The following DNAJC11 variants were observed in gnomAD, a reference collection of about 807,000 sequenced individuals.
DNAJC11 encodes dnaJ homolog subfamily C member 11.
In DNAJC11, 15 loss-of-function variants were observed where a neutral mutation model predicts 78.6. The observed-to-expected ratio is 0.19, with a 90% CI of 0.13 to 0.29. DNAJC11 has a LOEUF of 0.29. DNAJC11 is among the 10% of genes least tolerant of loss of function. DNAJC11 has a pLI of 1.00. For missense variants in DNAJC11, 547 were observed against 709.6 expected, an observed-to-expected ratio of 0.77 and a Z score of 2.60; for synonymous variants, 292 against 272.1, an observed-to-expected ratio of 1.07 and a Z score of -0.72.
chr1:6,691,696 C>G (rs1642748772), intron 1 of DNAJC11, among the ~76,000 whole-genome samples: 1 of 152,172 alleles, frequency 6.6e-6, no homozygotes, highest in Non-Finnish European at 1.5e-5. Flanking sequence ...GTAGGCTGCA[C>G]ACTCAAAACA....
At chr1:6,651,494 A>C (rs756718704) in intron 7 of DNAJC11, 35 bp downstream of exon 7, 18 of 1,583,394 alleles carry the variant, frequency 1.1e-5, no homozygotes, top group Non-Finnish European at 1.5e-5. Context: ...GCCAACAAAG[A>C]CCACCAAAGA....
Position 6,692,052 on chromosome 1 carries a change from T to G in DNAJC11, c.72+9677A>C, listed in dbSNP as rs988117361. Among the ~76,000 whole-genome samples, 20 of 152,358 alleles carry G rather than the reference T, an allele frequency of 1.3e-4. No homozygotes were observed. In the Middle Eastern group the frequency reaches 0.02, roughly 155 times the overall value. The stretch of plus-strand genomic sequence containing the variant: ...AGCATGTTGCTCTCATGTCCCGTTT[T>G]CCATTGTTTTATTACTAAATTCACA... On this transcript the variant is annotated intron_variant, in intron 1 of 15. Transcript: ENST00000377577.
chr1:6,692,948 C>A (rs1642770499), intron 1 of DNAJC11, among the ~76,000 whole-genome samples: 1 of 151,304 alleles, frequency 6.6e-6, no homozygotes, highest in South Asian at 2.1e-4. Flanking sequence ...CTCTGTTGCC[C>A]AGGCTGGAGT....
At chr1:6,701,316 G>T (rs1642923884) in intron 1 of DNAJC11, among the ~76,000 whole-genome samples, 1 of 152,190 alleles carries the variant, frequency 6.6e-6, no homozygotes, top group Admixed American at 6.5e-5. Flanking sequence ...GTGAGACTCA[G>T]TTCGCCATCC....
intron 1 of DNAJC11, among the ~76,000 whole-genome samples, chr1:6,691,378 C>T (rs908740753): frequency 3.3e-5 from 5 of 152,116 alleles, no homozygotes; most frequent in African/African-American, 1.2e-4. Context: ...TACCATTGTA[C>T]AACTTGGTTT....
At position 6,638,430 on chromosome 1, in the gene DNAJC11, C is replaced by G. The variant is rs1339713951; in HGVS notation, c.1254-66G>C. On this transcript the variant is annotated intron_variant, in intron 11 of 15. Coordinates refer to ENST00000377577, the MANE Select transcript of DNAJC11 (RefSeq NM_018198.4). ...TGCCCAGCTTCCAGCCAACACAGCC[C>G]CTCCCGTGCTGGACCCGAGCCCAGC... The G allele has an allele frequency of 2.0e-6, 3 of 1,521,982 alleles. No individual in the cohort carries two copies. The Admixed American group carries it at 5.3e-5, about 27-fold the overall frequency. The allele number at this position is 1,521,982 out of a possible 1,614,324, so 94.3% of individuals were successfully genotyped here.
intron 4 of DNAJC11, among the ~76,000 whole-genome samples, chr1:6,661,277 C>G (rs1570284600): frequency 6.6e-6 from 1 of 152,324 alleles, no homozygotes; most frequent in East Asian, 1.9e-4. Flanking sequence ...GTGAAATTCA[C>G]CTGTTTTATA....
intron 1 of DNAJC11, among the ~76,000 whole-genome samples, chr1:6,699,237 G>T (rs1264520984): frequency 6.6e-6 from 1 of 151,960 alleles, no homozygotes; most frequent in African/African-American, 2.4e-5. Context: ...AGTCAAGGTT[G>T]CAGTGCACCA....
intron 11 of DNAJC11, among the ~76,000 whole-genome samples, 185 bp downstream of exon 11, chr1:6,639,717 T>C (rs1192230476): frequency 6.6e-6 from 1 of 152,162 alleles, no homozygotes; most frequent in Non-Finnish European, 1.5e-5. Flanking sequence ...CTACGGACAA[T>C]GAGGAGAAAT....
intron 3 of DNAJC11, among the ~76,000 whole-genome samples, chr1:6,677,247 A>G (rs1490331093): frequency 3.3e-5 from 5 of 152,014 alleles, no homozygotes; most frequent in African/African-American, 1.2e-4. Flanking sequence ...GGTCAATTCA[A>G]TGTTATTAAA....
Position 6,653,653 on chromosome 1 carries a change from C to CATTA in DNAJC11, c.507+254_507+257dup, listed in dbSNP as rs1338273400. Among the ~76,000 whole-genome samples, 1 of 152,192 alleles carries CATTA rather than the reference C, an allele frequency of 6.6e-6. No homozygotes were observed. Among genetic ancestry groups the CATTA allele is most frequent in the Non-Finnish European group, 1.5e-5 (1 of 68,026 alleles). The stretch of plus-strand genomic sequence containing the variant: ...CCTTGGGCCTCTACTTCTCCCAGAC[C>CATTA]ATTAACACCCTCTGCTGGAAAGGCC... On this transcript the variant is annotated intron_variant, in intron 5 of 15. Coordinates refer to ENST00000377577, the MANE Select transcript of DNAJC11 (RefSeq NM_018198.4). The surrounding 1 kb of genome is among the most constrained non-coding windows in gnomAD (Gnocchi z 4.5).
At chr1:6,660,686 G>T (rs1314534135) in intron 4 of DNAJC11, among the ~76,000 whole-genome samples, 1 of 152,188 alleles carries the variant, frequency 6.6e-6, no homozygotes, top group African/African-American at 2.4e-5. Context: ...GTCAACGAAA[G>T]ATGACCATTT....
intron 11 of DNAJC11, among the ~76,000 whole-genome samples, chr1:6,639,556 G>A (rs1453000102): frequency 6.6e-6 from 1 of 151,612 alleles, no homozygotes; most frequent in African/African-American, 2.4e-5. Flanking sequence ...GGTCCTGAAC[G>A]CCTCACCTCG....
At chr1:6,648,938 G>A (rs1483065129) in intron 7 of DNAJC11, among the ~76,000 whole-genome samples, 3 of 152,102 alleles carry the variant, frequency 2.0e-5, no homozygotes, top group African/African-American at 7.2e-5. Flanking sequence ...GAGCTGTGTT[G>A]TGAGCAGCAC....
Position 6,634,288 on chromosome 1 carries a change from A to G in DNAJC11, c.*1387T>C. On this transcript the variant is annotated 3_prime_UTR_variant, in exon 16 of 16. Coordinates refer to ENST00000377577, the MANE Select transcript of DNAJC11 (RefSeq NM_018198.4). ...GAGGCGCACGGGAAGCCCGGGGCCC[A>G]GGCTCATGCAACACGACGCTCACCG... 3.4e-6 allele frequency: 3 copies of G among 883,300 alleles called. No individual in the cohort carries two copies. Among genetic ancestry groups the G allele is most frequent in the East Asian group, 2.7e-5 (1 of 36,994 alleles). The allele number at this position is 883,300 out of a possible 1,614,324, so 54.7% of individuals were successfully genotyped here.
intron 1 of DNAJC11, 120 bp from the exon 2 acceptor site, chr1:6,681,157 C>A: frequency 2.8e-6 from 3 of 1,085,200 alleles, no homozygotes; most frequent in Non-Finnish European, 2.6e-6. Flanking sequence ...TCTCGACATA[C>A]AGGATGTAAT....
At chr1:6,654,239 C>G (rs187147046) in intron 4 of DNAJC11, 200 bp from the exon 5 acceptor site, 1 of 493,024 alleles carries the variant, frequency 2.0e-6, no homozygotes, top group Non-Finnish European at 3.6e-6. Context: ...GCACCACAGA[C>G]GTCCAGAGCT....
intron 1 of DNAJC11, among the ~76,000 whole-genome samples, chr1:6,687,421 A>C (rs1355055345): frequency 7.3e-6 from 1 of 136,740 alleles, no homozygotes; most frequent in Non-Finnish European, 1.5e-5. Context: ...CAGTGGCATG[A>C]TCTCGGCTCA....
rs372549651 is a variant in DNAJC11 at position 6,678,377 on chromosome 1, C to T, written c.276+17G>A. On this transcript the variant is annotated intron_variant, in intron 3 of 15. Transcript: ENST00000377577. ...TTAATGACTTTTCTGGAACACCAGA[C>T]GCACAGTTTCTCTTACCTCCCATCC... 6.6e-5 allele frequency: 106 copies of T among 1,610,522 alleles called. No individual in the cohort carries two copies. Among genetic ancestry groups the T allele is most frequent in the East Asian group, 2.7e-4 (12 of 44,866 alleles).
Sources: gnomAD v4.1 joint callset for allele counts (sites outside exome capture counted in the v4.1 genomes callset) on GRCh38, gnomAD v4.1.1 for gene constraint, Gnocchi (gnomAD v3.1) non-coding constraint, MANE v1.5 for transcripts, NCBI Gene and HGNC (gene_info 2026-07-23, HGNC 2026-07-21) for gene names.